GRIK4: variants seen among roughly 807,000 people sequenced by gnomAD.
GRIK4 encodes glutamate receptor ionotropic, kainate 4.
Under a neutral mutation model 104.9 loss-of-function variants are expected in GRIK4, and 40 were observed. That is an observed-to-expected ratio of 0.38 (90% confidence interval 0.30 to 0.50). The LOEUF (loss-of-function observed/expected upper bound fraction) is 0.50, where lower values mean the gene tolerates loss of function less well. GRIK4 is among the 20% of genes least tolerant of loss of function. The probability of loss-of-function intolerance (pLI) is 0.93; values close to 1 mark genes in which losing one functional copy is unlikely to be tolerated. For synonymous variants in GRIK4, 485 were observed against 524.9 expected (o/e 0.92, Z 1.04); for missense variants, 1,047 against 1,308.1 (o/e 0.80, Z 3.08).
chr11:120,601,864 C>T (rs1948892083), intron 1 of GRIK4, among the ~76,000 whole-genome samples: 2 of 151,994 alleles, frequency 1.3e-5, no homozygotes, highest in Non-Finnish European at 2.9e-5. Flanking sequence ...AAGAGAGCAG[C>T]ATGAAGGATA....
chr11:120,720,875 T>C (rs1458279497), intron 3 of GRIK4, among the ~76,000 whole-genome samples: 16 of 151,740 alleles, frequency 1.1e-4, no homozygotes, highest in Admixed American at 1.1e-3. Flanking sequence ...AGGGTGAGGA[T>C]GGAGGGAAAA....
intron 13 of GRIK4, among the ~76,000 whole-genome samples, chr11:120,921,581 T>A (rs763042026): frequency 3.5e-5 from 5 of 144,592 alleles, no homozygotes; most frequent in Non-Finnish European, 7.8e-5. Flanking sequence ...TTGCGCGCAC[T>A]TCCTGTGATC....
intron 3 of GRIK4, among the ~76,000 whole-genome samples, chr11:120,724,107 A>G (rs942719730): frequency 8.5e-5 from 13 of 152,208 alleles, no homozygotes; most frequent in African/African-American, 2.4e-4. Flanking sequence ...GCATTTTACA[A>G]TCATCCATGT....
chr11:120,548,388 G>A (rs1248094334), intron 1 of GRIK4, among the ~76,000 whole-genome samples: 1 of 152,026 alleles, frequency 6.6e-6, no homozygotes, highest in Non-Finnish European at 1.5e-5. Flanking sequence ...AGGGCAAAGA[G>A]GCAAGGGGAT....
Position 120,860,437 on chromosome 11 carries a change from G to A in GRIK4, c.745-1522G>A, listed in dbSNP as rs111639724. Among the ~76,000 whole-genome samples, 801 of 152,194 alleles carry A rather than the reference G, an allele frequency of 5.3e-3. 6 individuals carry two copies. Among genetic ancestry groups the A allele is most frequent in the African/African-American group, 0.018 (760 of 41,516 alleles). The stretch of plus-strand genomic sequence containing the variant: ...TGCACTCACACCTGCAGGCTAACAC[G>A]TGGCCCCACCAGCGTTATTGCATGA... On this transcript the variant is annotated intron_variant, in intron 8 of 20. Coordinates refer to ENST00000527524, the MANE Select transcript of GRIK4 (RefSeq NM_014619.5).
chr11:120,544,105 A>G (rs746963727), intron 1 of GRIK4, among the ~76,000 whole-genome samples: 1 of 152,232 alleles, frequency 6.6e-6, no homozygotes, highest in Non-Finnish European at 1.5e-5. Context: ...TAGAATTTGC[A>G]GAGAGGATGG....
chr11:120,943,138 ACACACACACACACCCC>A lies in GRIK4; in HGVS notation c.1590+2680_1590+2695del, dbSNP rs947609179. Among the ~76,000 whole-genome samples the A allele has an allele frequency of 2.6e-4, 32 of 121,420 alleles. No individual in the cohort carries two copies. The East Asian group carries it at 2.7e-3, about 10-fold the overall frequency. The allele number at this position is 121,420 out of a possible 152,430, so 79.7% of individuals were successfully genotyped here. On this transcript the variant is annotated intron_variant, in intron 14 of 20. Coordinates refer to ENST00000527524, the MANE Select transcript of GRIK4 (RefSeq NM_014619.5). ...CACACACACACACACACACACACAC[ACACACACACACACCCC>A]CCTGACTGTTTGGTGAGGATTCCTC...
chr11:120,752,550 A>T (rs1951575113), intron 3 of GRIK4, among the ~76,000 whole-genome samples: 1 of 152,238 alleles, frequency 6.6e-6, no homozygotes, highest in Non-Finnish European at 1.5e-5. Context: ...ACAGTCAAAG[A>T]GAGTTTAACA....
At chr11:120,635,594 A>G (rs184159729) in intron 1 of GRIK4, among the ~76,000 whole-genome samples, 46 of 152,196 alleles carry the variant, frequency 3.0e-4, no homozygotes, top group Non-Finnish European at 5.4e-4. Context: ...GTCATGGACA[A>G]TTTAGTACCA....
chr11:120,893,813 G>T (rs1050574453), intron 11 of GRIK4, among the ~76,000 whole-genome samples: 1 of 152,158 alleles, frequency 6.6e-6, no homozygotes, highest in Non-Finnish European at 1.5e-5. Flanking sequence ...AGGAGAGCCA[G>T]TTTGTAAACA....
At chr11:120,760,121 C>T (rs1951721468) in intron 3 of GRIK4, among the ~76,000 whole-genome samples, 1 of 151,838 alleles carries the variant, frequency 6.6e-6, no homozygotes, top group Non-Finnish European at 1.5e-5. Flanking sequence ...TATTCTTAGA[C>T]TTATGTCTCC....
At chr11:120,746,998 G>A (rs1003794389) in intron 3 of GRIK4, among the ~76,000 whole-genome samples, 12 of 152,156 alleles carry the variant, frequency 7.9e-5, no homozygotes, top group African/African-American at 2.9e-4. Context: ...CGATGGGCTT[G>A]CTCTAAGAAT....
intron 3 of GRIK4, among the ~76,000 whole-genome samples, chr11:120,746,420 G>A (rs113420021): frequency 6.6e-6 from 1 of 152,256 alleles, no homozygotes; most frequent in African/African-American, 2.4e-5. Flanking sequence ...ACAGGTAGGT[G>A]CCTAGGTAGG....
intron 1 of GRIK4, chr11:120,620,382 C>T (rs1379029362): frequency 3.5e-6 from 2 of 570,560 alleles, no homozygotes; most frequent in Non-Finnish European, 6.4e-6. Context: ...CAGCCTAGTC[C>T]CCATGTACTG....
chr11:120,814,047 T>C (rs1465141050), intron 4 of GRIK4, among the ~76,000 whole-genome samples: 5 of 152,204 alleles, frequency 3.3e-5, no homozygotes, highest in African/African-American at 1.2e-4. Flanking sequence ...CCCCCTCCTC[T>C]GATTACACAT....
In GRIK4 at chr11:120,594,759, G is replaced by T. The variant is rs147706730; in HGVS notation, c.-158-58926G>T. On this transcript the variant is annotated intron_variant, in intron 1 of 20. Coordinates refer to ENST00000527524, the MANE Select transcript of GRIK4 (RefSeq NM_014619.5). ...TGTGATTCACTGCAGTTGGGCCACG[G>T]TTAATCCAATTCACTCATAGCCGTA... Among the ~76,000 whole-genome samples the T allele has an allele frequency of 6.5e-3, 991 of 152,296 alleles. 16 individuals are homozygous for T. The highest frequency in any genetic ancestry group is 0.023 in the African/African-American group (938 of 41,572).
chr11:120,724,795 G>C (rs1249249800), intron 3 of GRIK4, among the ~76,000 whole-genome samples: 1 of 152,126 alleles, frequency 6.6e-6, no homozygotes, highest in Non-Finnish European at 1.5e-5. Flanking sequence ...ACTTTGTTTT[G>C]TTCTGAATTT....
At chr11:120,849,134 C>T (rs1444167607) in intron 8 of GRIK4, among the ~76,000 whole-genome samples, 3 of 152,080 alleles carry the variant, frequency 2.0e-5, no homozygotes, top group Non-Finnish European at 2.9e-5. Context: ...AAAATTGAAA[C>T]GCATTGCTTG....
rs1952641149 is a variant in GRIK4, at chr11:120,802,615, CA to C, written c.83-77del. 4.0e-6 allele frequency: 5 copies of C among 1,250,176 alleles called. No homozygotes were observed. The African/African-American group carries it at 7.3e-5, about 18-fold the overall frequency. 77.4% of individuals were successfully genotyped at this position (1,250,176 alleles called of 1,614,324 possible). ...GCTGCCTGGAAGAGGAAGGTGGCAGCAGGGGGAGGCTGGAGAAGGAGGAGGG... is the reference window on the plus strand; with the variant it reads ...GCTGCCTGGAAGAGGAAGGTGGCAGCGGGGGAGGCTGGAGAAGGAGGAGGG... On this transcript the variant is annotated intron_variant, in intron 3 of 20. Coordinates refer to ENST00000527524, the MANE Select transcript of GRIK4 (RefSeq NM_014619.5).
Sources: gnomAD v4.1 joint callset for allele counts (sites outside exome capture counted in the v4.1 genomes callset) on GRCh38, gnomAD v4.1.1 for gene constraint, MANE v1.5 for transcripts, NCBI Gene and HGNC (gene_info 2026-07-23, HGNC 2026-07-21) for gene names.